The following UBE2C variants were observed in gnomAD, a reference collection of about 807,000 sequenced individuals.
UBE2C encodes ubiquitin conjugating enzyme E2 C, also known as ubiquitin-conjugating enzyme E2 C.
UBE2C carries 16 observed loss-of-function variants against 23.5 expected under a neutral mutation model. The observed-to-expected ratio is 0.68, with a 90% CI of 0.46 to 1.03. UBE2C has a LOEUF of 1.03. Among genes scored for constraint, UBE2C ranks in the 50% least tolerant of loss-of-function variants. The pLI is 0.00. For missense variants in UBE2C, 192 were observed against 227.6 expected, an observed-to-expected ratio of 0.84 and a Z score of 1.01; for synonymous variants, 76 against 91.6, an observed-to-expected ratio of 0.83 and a Z score of 0.97.
At chr20:45,814,360 C>T (rs1982281170) in intron 2 of UBE2C, 24 bp from the exon 3 acceptor site, 1 of 1,582,116 alleles carries the variant, frequency 6.3e-7, no homozygotes, top group Non-Finnish European at 8.6e-7. Context: ...ACTCCACATT[C>T]CAACAAATGT....
Position 45,814,448 on chromosome 20 carries a change from C to T in UBE2C, c.194C>T (p.Thr65Ile). The T allele has an allele frequency of 1.2e-6, 2 of 1,610,256 alleles. No homozygotes were observed. Among genetic ancestry groups the T allele is most frequent in the Non-Finnish European group, 1.7e-6 (2 of 1,177,962 alleles). ...ESDNLFKWVGTIHGAAGTVYE... is the reference protein window; with the variant it reads ...ESDNLFKWVGIIHGAAGTVYE... ...GACAACCTTTTCAAATGGGTAGGGA[C>T]CATCCATGGAGCAGCTGGAACAGTA... Residue 65 changes from threonine to isoleucine, a missense_variant, in exon 3 of 6, where the codon ACC becomes ATC. By Grantham distance (89) the Thr-to-Ile change is moderately conservative. Coordinates refer to ENST00000356455, the MANE Select transcript of UBE2C (RefSeq NM_007019.4).
chr20:45,815,579 C>T lies in UBE2C; in HGVS notation c.255C>T (p.Phe85=). The change falls in exon 4 of 6, where the codon TTC becomes TTT. Residue 85 remains phenylalanine, a synonymous_variant. Transcript: ENST00000356455. Reference sequence around the variant, plus strand: ...TGAGGTATAAGCTCTCGCTAGAGTTCCCCAGTGGCTACCCTTACAATGCGC... The same window carrying T: ...TGAGGTATAAGCTCTCGCTAGAGTTTCCCAGTGGCTACCCTTACAATGCGC... The part of the protein sequence containing the change: ...EDLRYKLSLE[F]PSGYPYNAPT... The T allele has an allele frequency of 6.2e-7, 1 of 1,614,084 alleles. No individual in the cohort carries two copies.
chr20:45,814,142 C>CTATA (rs1289197595), intron 2 of UBE2C, among the ~76,000 whole-genome samples: 21 of 146,508 alleles, frequency 1.4e-4, no homozygotes, highest in African/African-American at 5.6e-4. Context: ...CTCTCTCTCT[C>CTATA]TCTCTATATA....
intron 2 of UBE2C, among the ~76,000 whole-genome samples, chr20:45,813,832 G>C (rs1310330099): frequency 6.6e-6 from 1 of 152,064 alleles, no homozygotes; most frequent in Admixed American, 6.5e-5. Context: ...GGCTGGGCGC[G>C]GTAGCTCACA....
intron 5 of UBE2C, 146 bp downstream of exon 5, chr20:45,816,059 T>C (rs760958065): frequency 2.4e-5 from 17 of 709,348 alleles, no homozygotes; most frequent in Non-Finnish European, 3.4e-5. Context: ...TCTGCCCCAG[T>C]GCTCCTATTT....
Position 45,813,422 on chromosome 20 carries a change from A to G in UBE2C, c.102-15A>G. On this transcript the variant is annotated splice_polypyrimidine_tract_variant and intron_variant, in intron 1 of 5. Transcript: ENST00000356455. ...CATCCAGACTCCCAGGTAACCCCGA[A>G]TACTCTTTTTTCAGGCTACAGCAGG... 6.2e-7 allele frequency: 1 copy of G among 1,614,012 alleles called. No homozygotes were observed. The highest frequency in any genetic ancestry group is 2.2e-5 in the East Asian group (1 of 44,862).
Position 45,813,425 on chromosome 20 carries a change from C to T in UBE2C, c.102-12C>T, listed in dbSNP as rs902287809. The T allele has an allele frequency of 1.2e-6, 2 of 1,614,134 alleles. No homozygotes were observed. The highest frequency in any genetic ancestry group is 8.5e-7 in the Non-Finnish European group (1 of 1,180,020). ...CCAGACTCCCAGGTAACCCCGAATA[C>T]TCTTTTTTCAGGCTACAGCAGGAGC... On this transcript the variant is annotated splice_polypyrimidine_tract_variant and intron_variant, in intron 1 of 5. Transcript: ENST00000356455.
intron 3 of UBE2C, 39 bp downstream of exon 3, chr20:45,814,509 A>G: frequency 6.4e-7 from 1 of 1,551,012 alleles, no homozygotes; most frequent in East Asian, 2.3e-5. Context: ...AGTCTGGGGA[A>G]AGGTGGGAAG....
Position 45,812,650 on chromosome 20 carries a change from G to A in UBE2C, c.-46G>A. The A allele has an allele frequency of 6.5e-7, 1 of 1,545,982 alleles. No individual in the cohort carries two copies. Among genetic ancestry groups the A allele is most frequent in the Non-Finnish European group, 8.8e-7 (1 of 1,142,758 alleles). On this transcript the variant is annotated 5_prime_UTR_variant, in exon 1 of 6. Coordinates refer to ENST00000356455, the MANE Select transcript of UBE2C (RefSeq NM_007019.4). Reference sequence around the variant, plus strand: ...CGGGCGGGCCCGCAGTCCTGCAGTTGCAGTCGTGTTCTCCGAGTTCCTGTC... The same window carrying A: ...CGGGCGGGCCCGCAGTCCTGCAGTTACAGTCGTGTTCTCCGAGTTCCTGTC...
intron 3 of UBE2C, chr20:45,815,243 G>A: frequency 1.4e-6 from 1 of 715,144 alleles, no homozygotes; most frequent in Non-Finnish European, 2.3e-6. Flanking sequence ...ATCAGGCTAG[G>A]CATAGTGGCT....
At chr20:45,813,157 CAG>C (rs1249243842) in intron 1 of UBE2C, 1 of 1,403,258 alleles carries the variant, frequency 7.1e-7, no homozygotes, top group African/African-American at 1.5e-5. Flanking sequence ...TTGGCCGAGA[CAG>C]GGGAAGGGAG....
intron 2 of UBE2C, among the ~76,000 whole-genome samples, 183 bp from the exon 3 acceptor site, chr20:45,814,201 C>G (rs1982233230): frequency 7.3e-6 from 1 of 137,920 alleles, no homozygotes; most frequent in Admixed American, 7.6e-5. Context: ...ATAACCCCAT[C>G]TATATCTCAT....
Position 45,815,913 on chromosome 20 carries a change from G to A in UBE2C, c.481G>A (p.Ala161Thr), listed in dbSNP as rs752378234. Residue 161 changes from alanine (A) to threonine (T), a missense_variant and splice_region_variant, in exon 5 of 6, where the codon GCT becomes ACT. By Grantham distance (58) the Ala-to-Thr change is moderately conservative. Coordinates refer to ENST00000356455, the MANE Select transcript of UBE2C (RefSeq NM_007019.4). ...TGCCGAGCTCTGGAAAAACCCCACA[G>A]GTGAGTCCTCAGTCCTTGAGCCCAG... ...HAAELWKNPTAFKKYLQETYS... is the reference protein window; with the variant it reads ...HAAELWKNPTTFKKYLQETYS... The A allele has an allele frequency of 3.7e-6, 6 of 1,614,028 alleles. No homozygotes were observed. The Admixed American group carries it at 5.0e-5, about 13-fold the overall frequency.
At chr20:45,812,835 C>A (rs1317657399) in intron 1 of UBE2C, 39 bp downstream of exon 1, 1 of 1,534,456 alleles carries the variant, frequency 6.5e-7, no homozygotes, top group Non-Finnish European at 8.8e-7. Flanking sequence ...GCCTGCCATG[C>A]CCTAGGCATT....
intron 1 of UBE2C, 97 bp from the exon 2 acceptor site, chr20:45,813,340 A>G: frequency 1.2e-6 from 2 of 1,610,098 alleles, no homozygotes; most frequent in Non-Finnish European, 1.7e-6. Flanking sequence ...GGGAGCCTCC[A>G]TGACGGCTCC....
At chr20:45,815,233 A>T (rs1364952250) in intron 3 of UBE2C, among the ~76,000 whole-genome samples, 1 of 152,154 alleles carries the variant, frequency 6.6e-6, no homozygotes, top group Non-Finnish European at 1.5e-5. Flanking sequence ...AGAGGAAAGC[A>T]TCAGGCTAGG....
At chr20:45,814,501 T>G in intron 3 of UBE2C, 31 bp downstream of exon 3, 1 of 1,574,092 alleles carries the variant, frequency 6.4e-7, no homozygotes, top group Non-Finnish European at 8.7e-7. Context: ...GGTGAGTGAG[T>G]CTGGGGAAAG....
intron 3 of UBE2C, 45 bp from the exon 4 acceptor site, chr20:45,815,496 G>A: frequency 6.2e-7 from 1 of 1,614,170 alleles, no homozygotes; most frequent in Non-Finnish European, 8.5e-7. Flanking sequence ...TGGGACATGA[G>A]GCTGCTGCTG....
chr20:45,816,737 C>G lies in UBE2C; in HGVS notation c.510C>G (p.Tyr170Ter). ...TAFKKYLQETYSKQVTSQEP is the reference protein window; with the variant it reads ...TAFKKYLQET ...TTAAGAAGTACCTGCAAGAAACCTA[C>G]TCAAAGCAGGTCACCAGCCAGGAGC... Residue 170 changes from tyrosine to a stop codon, truncating the protein, a stop_gained, in exon 6 of 6, where the codon TAC becomes TAG. Coordinates refer to ENST00000356455, the MANE Select transcript of UBE2C (RefSeq NM_007019.4). LOFTEE classifies it high-confidence loss of function. The G allele has an allele frequency of 6.2e-7, 1 of 1,613,820 alleles. No individual in the cohort carries two copies. The highest frequency in any genetic ancestry group is 8.5e-7 in the Non-Finnish European group (1 of 1,179,790).
Sources: allele counts gnomAD v4.1 joint callset (sites outside exome capture counted in the v4.1 genomes callset), GRCh38; gene constraint gnomAD v4.1.1; transcripts MANE v1.5; gene names NCBI Gene and HGNC (gene_info 2026-07-23, HGNC 2026-07-21).